Variants in CDH13 observed in about 807,000 individuals in gnomAD.
The protein encoded by CDH13 is cadherin-13.
A neutral mutation model predicts 63.8 loss-of-function variants in CDH13; 24 were observed. That is an observed-to-expected ratio of 0.38 (90% CI 0.27 to 0.53). The LOEUF (loss-of-function observed/expected upper bound fraction) is 0.53. CDH13 is among the 20% of genes least tolerant of loss of function. The pLI is 0.85. For missense variants in CDH13, 1,049 were observed against 903.1 expected, an observed-to-expected ratio of 1.16 and a Z score of -2.07; for synonymous variants, 503 against 355.3, an observed-to-expected ratio of 1.42 and a Z score of -4.67.
intron 4 of CDH13, among the ~76,000 whole-genome samples, chr16:83,133,662 C>T (rs958565137): frequency 1.3e-5 from 2 of 152,044 alleles, no homozygotes; most frequent in African/African-American, 4.8e-5. Context: ...CCATGCCTGG[C>T]CAACTTTTGT....
chr16:83,337,120 C>T (rs1034852288), intron 5 of CDH13, among the ~76,000 whole-genome samples: 3 of 152,184 alleles, frequency 2.0e-5, no homozygotes, highest in Non-Finnish European at 4.4e-5. Context: ...CTTTTCAAAG[C>T]ATTTTACGTA....
chr16:82,948,397 T>A (rs544824454), intron 2 of CDH13, among the ~76,000 whole-genome samples: 3 of 152,210 alleles, frequency 2.0e-5, no homozygotes, highest in African/African-American at 7.2e-5. Flanking sequence ...ACACATGGCA[T>A]GCCTTCAATA....
At chr16:83,086,087 T>G (rs190956967) in intron 3 of CDH13, among the ~76,000 whole-genome samples, 20 of 152,266 alleles carry the variant, frequency 1.3e-4, no homozygotes, top group African/African-American at 4.8e-4. Flanking sequence ...ATGTACCCCA[T>G]GATGAAAAGA....
intron 4 of CDH13, among the ~76,000 whole-genome samples, chr16:83,189,954 G>A (rs540436009): frequency 5.1e-4 from 78 of 152,254 alleles, no homozygotes; most frequent in African/African-American, 1.8e-3. Context: ...AAGCTCTCTT[G>A]CCTGCCCCCA....
At chr16:83,383,987 T>C (rs1265586772) in intron 6 of CDH13, among the ~76,000 whole-genome samples, 1 of 152,160 alleles carries the variant, frequency 6.6e-6, no homozygotes, top group Non-Finnish European at 1.5e-5. Context: ...TATACGTACA[T>C]ATATATGGGT....
At chr16:82,922,722 G>A (rs1005124321) in intron 2 of CDH13, among the ~76,000 whole-genome samples, 2 of 152,102 alleles carry the variant, frequency 1.3e-5, no homozygotes, top group Non-Finnish European at 2.9e-5. Context: ...CTAGACCTAA[G>A]GGAGGCTAGA....
At chr16:82,851,136 G>T (rs2039463235) in intron 1 of CDH13, among the ~76,000 whole-genome samples, 1 of 152,078 alleles carries the variant, frequency 6.6e-6, no homozygotes, top group Admixed American at 6.6e-5. Flanking sequence ...TTCAAATTTT[G>T]TGTGAAAGCA....
rs546925479 is a variant in CDH13 at position 82,710,461 on chromosome 16, G to C, written c.45+83324G>C. 3.8e-3 allele frequency among the ~76,000 whole-genome samples: 537 copies of C among 141,376 alleles called. 5 individuals are homozygous for C. Among genetic ancestry groups the C allele is most frequent in the Non-Finnish European group, 6.5e-3 (427 of 65,414 alleles). 92.7% of individuals were successfully genotyped at this position (141,376 alleles called of 152,430 possible). On this transcript the variant is annotated intron_variant, in intron 1 of 13. Transcript: ENST00000567109. ...ACAGGAGAATGGCGTGAACCCAGGAGGGCGGAGCTTGCAGTGAGCCGAGAT... is the reference window on the plus strand; with the variant it reads ...ACAGGAGAATGGCGTGAACCCAGGACGGCGGAGCTTGCAGTGAGCCGAGAT...
chr16:83,520,435 G>T (rs1483283589), intron 7 of CDH13, among the ~76,000 whole-genome samples: 1 of 152,156 alleles, frequency 6.6e-6, no homozygotes, highest in Non-Finnish European at 1.5e-5. Context: ...CTGGGTATTA[G>T]TTACATGGAT....
chr16:82,970,974 A>T (rs1389906229), intron 2 of CDH13, among the ~76,000 whole-genome samples: 2 of 152,234 alleles, frequency 1.3e-5, no homozygotes, highest in Non-Finnish European at 2.9e-5. Flanking sequence ...AAAAGGTTTC[A>T]CATAGACTAG....
At chr16:83,633,072 C>T (rs1425201534) in intron 8 of CDH13, among the ~76,000 whole-genome samples, 3 of 152,064 alleles carry the variant, frequency 2.0e-5, no homozygotes, top group Non-Finnish European at 2.9e-5. Context: ...CTCTTGTTGC[C>T]GTCTTGGTTT....
chr16:83,227,762 G>T (rs932766056), intron 5 of CDH13, among the ~76,000 whole-genome samples: 1 of 152,160 alleles, frequency 6.6e-6, no homozygotes, highest in African/African-American at 2.4e-5. Context: ...CATAGAGCCA[G>T]CGTCCACGCC....
chr16:82,663,269 C>A (rs1297439076), intron 1 of CDH13, among the ~76,000 whole-genome samples: 1 of 152,198 alleles, frequency 6.6e-6, no homozygotes, highest in African/African-American at 2.4e-5. Context: ...TCACCGCAAC[C>A]TCTGCCTCCT....
At chr16:83,477,690 A>C (rs2073641977) in intron 6 of CDH13, among the ~76,000 whole-genome samples, 1 of 152,200 alleles carries the variant, frequency 6.6e-6, no homozygotes, top group South Asian at 2.1e-4. Flanking sequence ...TGTAATCTGG[A>C]GTACTCATCA....
intron 11 of CDH13, among the ~76,000 whole-genome samples, chr16:83,750,592 G>T (rs1314142098): frequency 6.6e-6 from 1 of 152,176 alleles, no homozygotes; most frequent in Non-Finnish European, 1.5e-5. Flanking sequence ...GATCCAATAT[G>T]ATTGATGTCT....
At chr16:82,707,200 T>A (rs2031563508) in intron 1 of CDH13, among the ~76,000 whole-genome samples, 1 of 152,264 alleles carries the variant, frequency 6.6e-6, no homozygotes, top group South Asian at 2.1e-4. Context: ...ACCAATTCCA[T>A]GCTTGATTCT....
chr16:83,345,004 C>T lies in CDH13; in HGVS notation c.779C>T (p.Thr260Ile). The change falls in exon 6 of 14, where the codon ACA becomes ATA. Residue 260 changes from threonine (T) to isoleucine (I), a missense_variant and splice_region_variant. Thr to Ile is a moderately conservative substitution (Grantham distance 89). Coordinates refer to ENST00000567109, the MANE Select transcript of CDH13 (RefSeq NM_001257.5). ...GGCCACGTCATGGAAGGGTCACCCA[C>T]AGGTATGTCACATTGGCTTACCTTT... ...YIGHVMEGSP[T>I]GTTVMRMTAF... 1.2e-6 allele frequency: 2 copies of T among 1,613,776 alleles called. No homozygotes were observed. Among genetic ancestry groups the T allele is most frequent in the Non-Finnish European group, 1.7e-6 (2 of 1,179,740 alleles).
intron 10 of CDH13, among the ~76,000 whole-genome samples, chr16:83,728,137 C>T (rs969229645): frequency 6.6e-6 from 1 of 152,110 alleles, no homozygotes; most frequent in Admixed American, 6.5e-5. Flanking sequence ...GGAACAGCAC[C>T]GCGGGCAGGC....
chr16:83,203,299 A>T (rs2039085883), intron 4 of CDH13, among the ~76,000 whole-genome samples: 1 of 152,184 alleles, frequency 6.6e-6, no homozygotes, highest in African/African-American at 2.4e-5. Flanking sequence ...GTGTGATGGG[A>T]TAATTAGAAG....
Sources: allele counts gnomAD v4.1 joint callset (sites outside exome capture counted in the v4.1 genomes callset), GRCh38; gene constraint gnomAD v4.1.1; transcripts MANE v1.5; gene names NCBI Gene and HGNC (gene_info 2026-07-23, HGNC 2026-07-21).